The following PLEKHA4 variants were observed in gnomAD, a reference collection of about 807,000 sequenced individuals.
PLEKHA4 encodes pleckstrin homology domain containing A4.
In PLEKHA4, 73 loss-of-function variants were observed where a neutral mutation model predicts 94.7. The observed-to-expected ratio is 0.77, with a 90% CI of 0.64 to 0.94. PLEKHA4 has a LOEUF of 0.94. Among genes scored for constraint, PLEKHA4 ranks in the 40% least tolerant of loss-of-function variants. PLEKHA4 has a pLI of 0.00. For synonymous variants in PLEKHA4, 449 were observed against 437.1 expected, an observed-to-expected ratio of 1.03 and a Z score of -0.34; for missense variants, 1,049 against 1,054.1, an observed-to-expected ratio of 1.00 and a Z score of 0.07.
At position 48,837,401 on chromosome 19, in the gene PLEKHA4, C is replaced by T; in HGVS notation, c.2228G>A (p.Gly743Glu). ...GFSRRGSGRG[G>E]GPTPWGPAWD... ...CGCGGGCCCCCAGGGGGTGGGACCTCCTCCACGCCCACTCCCTCGGCGAGA... is the reference window on the plus strand; with the variant it reads ...CGCGGGCCCCCAGGGGGTGGGACCTTCTCCACGCCCACTCCCTCGGCGAGA... Residue 743 changes from glycine to glutamate, a missense_variant, in exon 20 of 20, where the codon GGA (glycine) becomes GAA (glutamate). By Grantham distance (98) the Gly-to-Glu change is moderately conservative (BLOSUM62 -2). Coordinates refer to ENST00000263265, the MANE Select transcript of PLEKHA4 (RefSeq NM_020904.3). The surrounding 1 kb of genome is among the most constrained non-coding windows in gnomAD (Gnocchi z 4.3). The T allele has an allele frequency of 1.2e-6, 2 of 1,613,638 alleles. No homozygotes were observed. Among genetic ancestry groups the T allele is most frequent in the South Asian group, 1.1e-5 (1 of 91,072 alleles).
chr19:48,867,585 C>G lies in PLEKHA4; in HGVS notation c.36G>C (p.Leu12=). ...EGSRPRSSLS[L]ASSASTISSL... is the part of the protein sequence containing the mutation. Reference sequence around the variant, plus strand: ...AGGAGATGGTGGAGGCGCTGCTGGCCAGGCTCAGGCTGCTGCGAGGTCGGC... The same window carrying G: ...AGGAGATGGTGGAGGCGCTGCTGGCGAGGCTCAGGCTGCTGCGAGGTCGGC... The change falls in exon 2 of 20, where the codon CTG becomes CTC. Residue 12 remains leucine, a synonymous_variant. Coordinates refer to ENST00000263265, the MANE Select transcript of PLEKHA4 (RefSeq NM_020904.3). This position sits in a 1 kb window ranked among gnomAD's most constrained non-coding sequence, Gnocchi z 4.7. 1 of 1,602,484 alleles carries G rather than the reference C, an allele frequency of 6.2e-7. No homozygotes were observed. The highest frequency in any genetic ancestry group is 8.5e-7 in the Non-Finnish European group (1 of 1,176,594).
At chr19:48,860,490 T>C (rs753532409) in intron 5 of PLEKHA4, 31 bp from the exon 6 acceptor site, 1 of 1,558,024 alleles carries the variant, frequency 6.4e-7, no homozygotes, top group Non-Finnish European at 8.8e-7. Flanking sequence ...GAATCCGGAC[T>C]CCCGGGCCTT....
intron 8 of PLEKHA4, among the ~76,000 whole-genome samples, chr19:48,858,627 C>CAAGAAAAAAAAAAAAAAAAA (rs2036513864): frequency 1.6e-5 from 1 of 63,474 alleles, no homozygotes; most frequent in African/African-American, 1.1e-4. Context: ...ACCTCAGTCT[C>CAAGAAAAAAAAAAAAAAAAA]AAAAAAAAAA....
intron 13 of PLEKHA4, 137 bp from the exon 14 acceptor site, chr19:48,848,177 A>G: frequency 1.9e-6 from 2 of 1,035,726 alleles, no homozygotes; most frequent in Non-Finnish European, 2.8e-6. Context: ...CCATGTGGTT[A>G]TCCAGTTGAA....
At chr19:48,859,219 AG>A (rs1487254981) in intron 7 of PLEKHA4, 80 bp from the exon 8 acceptor site, 4 of 1,148,588 alleles carry the variant, frequency 3.5e-6, no homozygotes, top group Non-Finnish European at 2.5e-6. Flanking sequence ...GTCAGCCTCA[AG>A]GACATGTCTC....
chr19:48,851,594 C>G (rs192800281), intron 13 of PLEKHA4, among the ~76,000 whole-genome samples: 7 of 151,680 alleles, frequency 4.6e-5, no homozygotes, highest in African/African-American at 1.5e-4. Context: ...CCAGCCCGGG[C>G]AACAAGAGTA....
intron 3 of PLEKHA4, among the ~76,000 whole-genome samples, chr19:48,865,109 C>T (rs544453265): frequency 6.6e-6 from 1 of 152,042 alleles, no homozygotes; most frequent in East Asian, 1.9e-4. Flanking sequence ...TTTAGGGAGC[C>T]GAGGCGGGTG....
chr19:48,841,229 G>A lies in PLEKHA4; in HGVS notation c.1825C>T (p.Pro609Ser). Residue 609 changes from proline to serine, a missense_variant, in exon 17 of 20, where the codon CCT (proline) becomes TCT (serine). By Grantham distance (74) the Pro-to-Ser change is moderately conservative. Transcript: ENST00000263265. ...RRNQECGRPF[P>S]RPTSPRLLTL... is the part of the protein sequence containing the mutation. ...AGAAGCCGGGGGGAGGTCGGGCGAGGGAAGGGCCGTCCACATTCCTGGTTT... is the reference window on the plus strand; with the variant it reads ...AGAAGCCGGGGGGAGGTCGGGCGAGAGAAGGGCCGTCCACATTCCTGGTTT... 1 of 1,613,618 alleles carries A rather than the reference G, an allele frequency of 6.2e-7. No individual in the cohort carries two copies. Among genetic ancestry groups the A allele is most frequent in the African/African-American group, 1.3e-5 (1 of 75,048 alleles).
rs370059930 is a variant in PLEKHA4, at chr19:48,841,259, G to A, written c.1795C>T (p.Arg599Cys). 2.0e-5 allele frequency: 33 copies of A among 1,613,326 alleles called. No individual in the cohort carries two copies. The highest frequency in any genetic ancestry group is 1.7e-4 in the Middle Eastern group (1 of 6,032). ...GGCCGTCCACATTCCTGGTTTCTGC[G>A]CATCCGCTCCAGCTGCTCCTGGGCA... ...MSAQEQLERM[R>C]RNQECGRPFP... The change falls in exon 17 of 20, where the codon CGC becomes TGC. Residue 599 changes from arginine (R) to cysteine (C), a missense_variant. Transcript: ENST00000263265.
rs1254984506 is a variant in PLEKHA4, at chr19:48,852,242, G to T, written c.1411C>A (p.Leu471Ile). Reference sequence around the variant, plus strand: ...CAGCGATTTACCTGGGGAGAACCAAGGTGCAGCAGGTACTCCAGCGTCTCT... The same window carrying T: ...CAGCGATTTACCTGGGGAGAACCAATGTGCAGCAGGTACTCCAGCGTCTCT... ...LRETLEYLLH[L>I]GSPQDRVSAQ... is the part of the protein sequence containing the mutation. Residue 471 changes from leucine to isoleucine, a missense_variant, in exon 13 of 20, where the codon CTT becomes ATT. Transcript: ENST00000263265. 6.2e-7 allele frequency: 1 copy of T among 1,613,920 alleles called. No homozygotes were observed. Among genetic ancestry groups the T allele is most frequent in the Admixed American group, 1.7e-5 (1 of 59,972 alleles).
intron 9 of PLEKHA4, among the ~76,000 whole-genome samples, chr19:48,856,312 G>A (rs1188500045): frequency 6.6e-6 from 1 of 150,538 alleles, no homozygotes; most frequent in East Asian, 2.0e-4. Context: ...GGCCAGTCGC[G>A]GTGGCTCACG....
chr19:48,859,061 AG>A lies in PLEKHA4; in HGVS notation c.770del (p.Pro257LeufsTer17). 12 of 654,090 alleles carry A rather than the reference AG, an allele frequency of 1.8e-5. No individual in the cohort carries two copies. Among genetic ancestry groups the A allele is most frequent in the Non-Finnish European group, 2.1e-5 (11 of 524,810 alleles). 40.5% of individuals were successfully genotyped at this position (654,090 alleles called of 1,614,324 possible). On this transcript the variant is annotated frameshift_variant, in exon 8 of 20. Transcript: ENST00000263265. LOFTEE classifies it high-confidence loss of function. ...RPRSAPARRPPAPSGDTAPPA... is the reference protein window; with the variant it reads ...RPRSAPARRPXAPSGDTAPPA... ...GGGGTGCTGTGTCTCCTGAGGGGGC[AG>A]GGGGTCGCCGCGCAGGGGCAGAACG... is the stretch of plus-strand genomic sequence containing the variant.
At position 48,841,232 on chromosome 19, in the gene PLEKHA4, A is replaced by T; in HGVS notation, c.1822T>A (p.Phe608Ile). Residue 608 changes from phenylalanine to isoleucine, a missense_variant, in exon 17 of 20, where the codon TTC (phenylalanine) becomes ATC (isoleucine). Coordinates refer to ENST00000263265, the MANE Select transcript of PLEKHA4 (RefSeq NM_020904.3). ...AGCCGGGGGGAGGTCGGGCGAGGGA[A>T]GGGCCGTCCACATTCCTGGTTTCTG... ...MRRNQECGRP[F>I]PRPTSPRLLT... 6.2e-7 allele frequency: 1 copy of T among 1,613,524 alleles called. No individual in the cohort carries two copies. The highest frequency in any genetic ancestry group is 1.1e-5 in the South Asian group (1 of 90,958).
chr19:48,844,126 T>G (rs1347469442), intron 16 of PLEKHA4, among the ~76,000 whole-genome samples: 1 of 29,764 alleles, frequency 3.4e-5, no homozygotes, highest in African/African-American at 1.3e-4. Flanking sequence ...TATTTTATTA[T>G]TATTATTATT....
At chr19:48,858,696 T>G (rs1418678442) in intron 8 of PLEKHA4, among the ~76,000 whole-genome samples, 164 bp downstream of exon 8, 1 of 148,212 alleles carries the variant, frequency 6.7e-6, no homozygotes, top group African/African-American at 2.6e-5. Flanking sequence ...TGAGAGGAGC[T>G]GGACACCTGA....
Position 48,862,775 on chromosome 19 carries a change from A to C in PLEKHA4, c.193-1083T>G, listed in dbSNP as rs533720945. Among the ~76,000 whole-genome samples the C allele has an allele frequency of 1.3e-3, 199 of 152,276 alleles. 1 individual carries two copies. The highest frequency in any genetic ancestry group is 2.0e-3 in the Admixed American group (30 of 15,290). On this transcript the variant is annotated intron_variant, in intron 3 of 19. Transcript: ENST00000263265. ...TGATCTGCCTGCCTCGGCCTCCCAA[A>C]GTGCTGGGATTACAGGCGTGAGCCA...
intron 13 of PLEKHA4, among the ~76,000 whole-genome samples, chr19:48,850,569 G>A (rs2036146230): frequency 6.6e-6 from 1 of 152,138 alleles, no homozygotes; most frequent in African/African-American, 2.4e-5. Context: ...TGTAATCTCA[G>A]CACTTTGGGA....
Position 48,867,773 on chromosome 19 carries a change from A to T in PLEKHA4, c.-6-147T>A. The stretch of plus-strand genomic sequence containing the variant: ...GGGCTGGGGGAGGCCATGGCCCGTG[A>T]CCACATACCAAGAGTGGTGCCAAGA... On this transcript the variant is annotated intron_variant, in intron 1 of 19. Coordinates refer to ENST00000263265, the MANE Select transcript of PLEKHA4 (RefSeq NM_020904.3). The surrounding 1 kb of genome is among the most constrained non-coding windows in gnomAD (Gnocchi z 4.7). The T allele has an allele frequency of 2.7e-6, 2 of 748,146 alleles. No individual in the cohort carries two copies. The highest frequency in any genetic ancestry group is 4.4e-6 in the Non-Finnish European group (2 of 456,562). 46.3% of individuals were successfully genotyped at this position (748,146 alleles called of 1,614,324 possible).
In PLEKHA4 at chr19:48,868,573, A is replaced by G. The variant is rs1315075827; in HGVS notation, c.-497T>C. The stretch of plus-strand genomic sequence containing the variant: ...TTTTCTCTTTCCGATTTCCCTTCTC[A>G]CTTTCTCCCTTCCTCCCTCTCCCAG... On this transcript the variant is annotated 5_prime_UTR_variant, in exon 1 of 20. Coordinates refer to ENST00000263265, the MANE Select transcript of PLEKHA4 (RefSeq NM_020904.3). The G allele has an allele frequency of 1.3e-5, 2 of 149,604 alleles. No individual in the cohort carries two copies. Among genetic ancestry groups the G allele is most frequent in the Non-Finnish European group, 3.0e-5 (2 of 67,696 alleles). The allele number at this position is 149,604 out of a possible 1,614,324, so 9.3% of individuals were successfully genotyped here.
Sources: gnomAD v4.1 joint callset for allele counts (sites outside exome capture counted in the v4.1 genomes callset) on GRCh38, gnomAD v4.1.1 for gene constraint, Gnocchi (gnomAD v3.1) non-coding constraint, MANE v1.5 for transcripts, NCBI Gene and HGNC (gene_info 2026-07-23, HGNC 2026-07-21) for gene names.